The following CNPY1 variants were observed in gnomAD, a reference collection of about 807,000 sequenced individuals.
CNPY1 encodes protein canopy homolog 1.
In CNPY1, 14 loss-of-function variants were observed where a neutral mutation model predicts 14.4. That is an observed-to-expected ratio of 0.97 (90% confidence interval 0.64 to 1.52). The LOEUF (loss-of-function observed/expected upper bound fraction) is 1.52. Ranked by LOEUF, CNPY1 falls within the 40% of genes most tolerant of loss-of-function variation. The pLI, the probability that CNPY1 is intolerant of heterozygous loss-of-function variation, is 0.00. For synonymous variants in CNPY1, 43 were observed against 46.5 expected (o/e 0.92, Z 0.31); for missense variants, 129 against 131.5 (o/e 0.98, Z 0.09).
intron 2 of CNPY1, among the ~76,000 whole-genome samples, chr7:155,543,745 G>A (rs896394355): frequency 1.1e-4 from 16 of 152,166 alleles, no homozygotes; most frequent in Non-Finnish European, 1.8e-4. Context: ...CGCCTACAGG[G>A]TGCACCATGT....
At chr7:155,537,265 G>A (rs1361159180) in intron 2 of CNPY1, among the ~76,000 whole-genome samples, 3 of 152,068 alleles carry the variant, frequency 2.0e-5, no homozygotes, top group South Asian at 2.1e-4. Flanking sequence ...CTCTCCTTCC[G>A]AGGACTCTTA....
At position 155,536,138 on chromosome 7, in the gene CNPY1, T is replaced by C. The variant is rs929038122; in HGVS notation, c.99+9693A>G. 6.6e-6 allele frequency among the ~76,000 whole-genome samples: 1 copy of C among 152,066 alleles called. No individual in the cohort carries two copies. Among genetic ancestry groups the C allele is most frequent in the Non-Finnish European group, 1.5e-5 (1 of 68,006 alleles). ...AGAGGCAGTGGGGATCCAGGTGCCA[T>C]TTGAAATGGGATGCTGTAAATCCAT... On this transcript the variant is annotated intron_variant, in intron 2 of 4. Coordinates refer to ENST00000636446, the MANE Select transcript of CNPY1 (RefSeq NM_001393663.1). The surrounding 1 kb of genome is among the most constrained non-coding windows in gnomAD (Gnocchi z 4.1).
At chr7:155,530,457 GCTAGGA>G (rs1796918811) in intron 2 of CNPY1, among the ~76,000 whole-genome samples, 1 of 151,938 alleles carries the variant, frequency 6.6e-6, no homozygotes, top group Admixed American at 6.6e-5. Context: ...TGCCCAAGTA[GCTAGGA>G]CTACAGATGT....
intron 2 of CNPY1, among the ~76,000 whole-genome samples, chr7:155,531,147 C>T (rs1404184126): frequency 2.0e-5 from 3 of 152,210 alleles, no homozygotes; most frequent in South Asian, 4.1e-4. Context: ...AGACACAACC[C>T]GCCTAGTTCC....
chr7:155,538,029 G>T (rs2116754553), intron 2 of CNPY1, among the ~76,000 whole-genome samples: 1 of 152,320 alleles, frequency 6.6e-6, no homozygotes, highest in East Asian at 1.9e-4. Context: ...AACAGACACA[G>T]ACACGTAAGA....
intron 2 of CNPY1, among the ~76,000 whole-genome samples, chr7:155,522,208 A>G (rs1342275388): frequency 1.3e-5 from 2 of 152,234 alleles, no homozygotes; most frequent in African/African-American, 4.8e-5. Flanking sequence ...GGCTTTGCAC[A>G]TATAGAGGTG....
intron 2 of CNPY1, among the ~76,000 whole-genome samples, chr7:155,527,607 A>C (rs78154107): frequency 6.9e-6 from 1 of 144,830 alleles, no homozygotes; most frequent in Admixed American, 6.7e-5. Context: ...ACACCCTGCT[A>C]ATTTTTTTTT....
At chr7:155,540,042 G>A (rs1409150121) in intron 2 of CNPY1, among the ~76,000 whole-genome samples, 1 of 152,214 alleles carries the variant, frequency 6.6e-6, no homozygotes, top group Non-Finnish European at 1.5e-5. Flanking sequence ...AAGTCTGGGG[G>A]TGGGGGTGAC....
At position 155,501,371 on chromosome 7, in the gene CNPY1, C is replaced by T. The variant is rs1231628574; in HGVS notation, c.*1697G>A. 6.6e-6 allele frequency: 1 copy of T among 152,178 alleles called. No homozygotes were observed. Among genetic ancestry groups the T allele is most frequent in the Non-Finnish European group, 1.5e-5 (1 of 68,030 alleles). 9.4% of individuals were successfully genotyped at this position (152,178 alleles called of 1,614,324 possible). The stretch of plus-strand genomic sequence containing the variant: ...CTATAATTAGTGTTAGCATTGCCTA[C>T]ATTTGAGAATGTTTGATGATGATCA... On this transcript the variant is annotated 3_prime_UTR_variant, in exon 5 of 5. Transcript: ENST00000636446.
At chr7:155,529,326 C>T (rs1796893824) in intron 2 of CNPY1, among the ~76,000 whole-genome samples, 1 of 152,160 alleles carries the variant, frequency 6.6e-6, no homozygotes. Flanking sequence ...TGGCCATCAC[C>T]CTCACCCATC....
chr7:155,524,017 C>T (rs1796774100), intron 2 of CNPY1, among the ~76,000 whole-genome samples: 1 of 152,178 alleles, frequency 6.6e-6, no homozygotes, highest in Admixed American at 6.5e-5. Context: ...CTAGATTTTC[C>T]CTCTGAGCCC....
At position 155,507,058 on chromosome 7, in the gene CNPY1, G is replaced by A; in HGVS notation, c.362C>T (p.Thr121Ile). 6.2e-7 allele frequency: 1 copy of A among 1,612,646 alleles called. No homozygotes were observed. Among genetic ancestry groups the A allele is most frequent in the Non-Finnish European group, 8.5e-7 (1 of 1,179,030 alleles). Residue 121 changes from threonine to isoleucine, a missense_variant, in exon 4 of 5, where the codon ACA (threonine) becomes ATA (isoleucine). Coordinates refer to ENST00000636446, the MANE Select transcript of CNPY1 (RefSeq NM_001393663.1). ...GCACAGCTTGTCAGCTAGATAGTGT[G>A]TCTCCTGGGCGATAAGTGAGGATAT... ...DEISSLIAQE[T>I]HYLADKLCSE...
At chr7:155,510,075 C>T (rs142450907) in intron 2 of CNPY1, among the ~76,000 whole-genome samples, 11 of 152,326 alleles carry the variant, frequency 7.2e-5, no homozygotes, top group African/African-American at 2.4e-4. Context: ...GCATGACAAC[C>T]GCAGTGAAAG....
chr7:155,531,740 A>G (rs1796940735), intron 2 of CNPY1, among the ~76,000 whole-genome samples: 1 of 152,236 alleles, frequency 6.6e-6, no homozygotes, highest in African/African-American at 2.4e-5. Flanking sequence ...GCAGACAGCA[A>G]ACAGGGAATC....
At chr7:155,538,507 G>A (rs1036589778) in intron 2 of CNPY1, among the ~76,000 whole-genome samples, 2 of 151,356 alleles carry the variant, frequency 1.3e-5, no homozygotes, top group South Asian at 2.1e-4. Context: ...GCTAACCCCA[G>A]ACTCTGCCCC....
At chr7:155,528,689 G>T (rs1274732879) in intron 2 of CNPY1, among the ~76,000 whole-genome samples, 3 of 152,194 alleles carry the variant, frequency 2.0e-5, no homozygotes, top group Non-Finnish European at 2.9e-5. Context: ...CATCTTTGAA[G>T]CACGGCCTTC....
rs1450432722 is a variant in CNPY1 at position 155,502,381 on chromosome 7, T to C, written c.*687A>G. 6.6e-6 allele frequency: 1 copy of C among 152,204 alleles called. No homozygotes were observed. The highest frequency in any genetic ancestry group is 2.4e-5 in the African/African-American group (1 of 41,458). 9.4% of individuals were successfully genotyped at this position (152,204 alleles called of 1,614,324 possible). A position where few individuals can be genotyped will look rare whatever the true frequency, so the allele number is the denominator to read the frequency against. On this transcript the variant is annotated 3_prime_UTR_variant, in exon 5 of 5. Transcript: ENST00000636446. Reference sequence around the variant, plus strand: ...ATCACTAGTGTCATCTTTTAACACCTGATGCAATAATAAATCAACTTTCTA... The same window carrying C: ...ATCACTAGTGTCATCTTTTAACACCCGATGCAATAATAAATCAACTTTCTA...
At chr7:155,524,602 C>T (rs1796785599) in intron 2 of CNPY1, among the ~76,000 whole-genome samples, 3 of 152,192 alleles carry the variant, frequency 2.0e-5, no homozygotes, top group Admixed American at 2.0e-4. Context: ...GATGATCTGC[C>T]ACTGTCTCCA....
intron 2 of CNPY1, among the ~76,000 whole-genome samples, chr7:155,545,316 C>T (rs1797145492): frequency 6.6e-6 from 1 of 152,214 alleles, no homozygotes; most frequent in South Asian, 2.1e-4. Context: ...TCCAGCGCCC[C>T]ACTCACTGCC....
Sources: allele counts gnomAD v4.1 joint callset (sites outside exome capture counted in the v4.1 genomes callset), GRCh38; gene constraint gnomAD v4.1.1; non-coding constraint Gnocchi (gnomAD v3.1); transcripts MANE v1.5; gene names NCBI Gene and HGNC (gene_info 2026-07-23, HGNC 2026-07-21).